The following FHIP2A variants were observed in gnomAD, a reference collection of about 807,000 sequenced individuals.
The protein encoded by FHIP2A is FHF complex subunit HOOK interacting protein 2A, also known as family with sequence similarity 160 member B1.
A neutral mutation model predicts 93.5 loss-of-function variants in FHIP2A; 46 were observed. That is an observed-to-expected ratio of 0.49 (90% confidence interval 0.39 to 0.63). The LOEUF is 0.63. Among genes scored for constraint, FHIP2A ranks in the 20% least tolerant of loss-of-function variants. The pLI is 0.00. For missense variants in FHIP2A, 769 were observed against 909.7 expected (o/e 0.85, Z 1.99); for synonymous variants, 332 against 326.5 (o/e 1.02, Z -0.18).
At chr10:114,834,317 C>T (rs1283077801) in intron 3 of FHIP2A, among the ~76,000 whole-genome samples, 3 of 152,136 alleles carry the variant, frequency 2.0e-5, no homozygotes, top group East Asian at 3.8e-4. Context: ...TTCTCCTCCT[C>T]CTTTTTCCTG....
Position 114,864,579 on chromosome 10 carries a change from G to A in FHIP2A, c.*3039G>A, listed in dbSNP as rs754735755. On this transcript the variant is annotated 3_prime_UTR_variant, in exon 17 of 17. Coordinates refer to ENST00000369248, the MANE Select transcript of FHIP2A (RefSeq NM_020940.4). Reference sequence around the variant, plus strand: ...CGTCTGGAATTCTTGGTCCCTCCGTGGAGAAACTCTTCAGATGGTCATTGT... The same window carrying A: ...CGTCTGGAATTCTTGGTCCCTCCGTAGAGAAACTCTTCAGATGGTCATTGT... 175 of 985,634 alleles carry A rather than the reference G, an allele frequency of 1.8e-4. No individual in the cohort carries two copies. The highest frequency in any genetic ancestry group is 2.5e-4 in the Admixed American group (4 of 16,248). 61.1% of individuals were successfully genotyped at this position (985,634 alleles called of 1,614,324 possible).
intron 5 of FHIP2A, among the ~76,000 whole-genome samples, chr10:114,838,529 T>G (rs17092480): frequency 0.09 from 13,748 of 152,218 alleles, 825 homozygotes; most frequent in East Asian, 0.21. Flanking sequence ...TGTGTACTTA[T>G]GAGAAATATC....
Position 114,821,848 on chromosome 10 carries a change from G to A in FHIP2A, c.-231G>A, listed in dbSNP as rs879554241. 2.8e-5 allele frequency: 7 copies of A among 253,804 alleles called. No individual in the cohort carries two copies. The highest frequency in any genetic ancestry group is 3.0e-5 in the Non-Finnish European group (4 of 133,866). The allele number at this position is 253,804 out of a possible 1,614,324, so 15.7% of individuals were successfully genotyped here. ...CTTCTCCGGGCCCCGAGTCCTCGCC[G>A]AACGCCCTCCTCGCCGCCCGCCGCG... On this transcript the variant is annotated 5_prime_UTR_variant, in exon 1 of 17. Coordinates refer to ENST00000369248, the MANE Select transcript of FHIP2A (RefSeq NM_020940.4).
At chr10:114,847,744 C>A (rs923290225) in intron 12 of FHIP2A, among the ~76,000 whole-genome samples, 2 of 144,350 alleles carry the variant, frequency 1.4e-5, no homozygotes, top group African/African-American at 2.5e-5. Flanking sequence ...AAGTTCCCTC[C>A]CCCACCTTTT....
intron 14 of FHIP2A, among the ~76,000 whole-genome samples, chr10:114,859,644 A>G (rs2083786251): frequency 6.6e-6 from 1 of 152,196 alleles, no homozygotes; most frequent in Non-Finnish European, 1.5e-5. Context: ...AGTTCTGAGC[A>G]AGTAGTAGCA....
intron 16 of FHIP2A, among the ~76,000 whole-genome samples, chr10:114,875,640 A>G (rs955645628): frequency 2.0e-5 from 3 of 152,086 alleles, no homozygotes; most frequent in Admixed American, 6.5e-5. Context: ...GGTTTCAGTG[A>G]GCCAAGATTG....
intron 5 of FHIP2A, among the ~76,000 whole-genome samples, chr10:114,839,605 G>T (rs138531830): frequency 6.6e-6 from 1 of 152,038 alleles, no homozygotes; most frequent in African/African-American, 2.4e-5. Flanking sequence ...CCGGCCGGGC[G>T]CGGTGGCTCA....
chr10:114,835,087 G>A (rs988687921), intron 3 of FHIP2A, among the ~76,000 whole-genome samples: 3 of 151,240 alleles, frequency 2.0e-5, no homozygotes, highest in African/African-American at 7.3e-5. Flanking sequence ...TGTGTGTTAG[G>A]AGGCTTTATT....
At chr10:114,898,247 A>G (rs1037169066) in intron 16 of FHIP2A, among the ~76,000 whole-genome samples, 1 of 152,176 alleles carries the variant, frequency 6.6e-6, no homozygotes, top group African/African-American at 2.4e-5. Context: ...CTTTGTCAAT[A>G]GAGAGTGCCA....
chr10:114,860,664 C>T (rs988095073), intron 14 of FHIP2A, 85 bp from the exon 15 acceptor site: 17 of 1,190,182 alleles, frequency 1.4e-5, no homozygotes, highest in African/African-American at 4.5e-5. Context: ...ATTCTCCTTT[C>T]TTAAAAGAAC....
intron 1 of FHIP2A, among the ~76,000 whole-genome samples, chr10:114,828,050 A>G (rs2083587449): frequency 6.6e-6 from 1 of 152,164 alleles, no homozygotes; most frequent in African/African-American, 2.4e-5. Flanking sequence ...ATGCAGTGAT[A>G]AAACAGGTAA....
At chr10:114,865,967 G>T (rs1008176012), downstream of FHIP2A, among the ~76,000 whole-genome samples, 19 of 151,892 alleles carry the variant, frequency 1.3e-4, no homozygotes, top group African/African-American at 3.9e-4. Context: ...CTGTTTGTTT[G>T]TTTTTTTTAA....
rs926511216 is a variant in FHIP2A, at chr10:114,845,392, G to A, written c.1039G>A (p.Asp347Asn). The part of the protein sequence containing the change: ...WGLDSYSHKE[D>N]ASAFPGKRAL... ...CTTGGACTCATATAGTCATAAAGAAGATGCTTCAGCATTTCCAGGAAAACG... is the reference window on the plus strand; with the variant it reads ...CTTGGACTCATATAGTCATAAAGAAAATGCTTCAGCATTTCCAGGAAAACG... The change falls in exon 8 of 17, where the codon GAT becomes AAT. Residue 347 changes from aspartate (D) to asparagine (N), a missense_variant. Physicochemically the swap from Asp to Asn is conservative, Grantham distance 23. Coordinates refer to ENST00000369248, the MANE Select transcript of FHIP2A (RefSeq NM_020940.4). 3 of 1,612,158 alleles carry A rather than the reference G, an allele frequency of 1.9e-6. No individual in the cohort carries two copies. In the Admixed American group the frequency reaches 5.0e-5, roughly 27 times the overall value.
intron 13 of FHIP2A, among the ~76,000 whole-genome samples, chr10:114,854,407 G>T (rs909025657): frequency 6.6e-6 from 1 of 151,970 alleles, no homozygotes; most frequent in Non-Finnish European, 1.5e-5. Flanking sequence ...CAGGAGAATC[G>T]CTTGAACCTG....
At chr10:114,847,347 G>GA in intron 12 of FHIP2A, 114 bp downstream of exon 12, 1 of 913,418 alleles carries the variant, frequency 1.1e-6, no homozygotes, top group Non-Finnish European at 1.6e-6. Context: ...GGAGTGCAGT[G>GA]GCACGATCTC....
chr10:114,850,307 G>A (rs114095900), intron 13 of FHIP2A, among the ~76,000 whole-genome samples: 299 of 152,312 alleles, frequency 2.0e-3, no homozygotes, highest in African/African-American at 6.6e-3. Flanking sequence ...CCCAGGAGGT[G>A]TGAAGTGGTG....
intron 14 of FHIP2A, among the ~76,000 whole-genome samples, chr10:114,858,877 A>G (rs1185346749): frequency 1.3e-5 from 2 of 152,218 alleles, no homozygotes; most frequent in African/African-American, 4.8e-5. Context: ...TGATGTTCCC[A>G]ACACGAAGAA....
intron 16 of FHIP2A, chr10:114,899,342 G>T: frequency 1.8e-6 from 1 of 552,640 alleles, no homozygotes; most frequent in Non-Finnish European, 3.3e-6. Context: ...ACTTAAGCTA[G>T]TGTAAGCACA....
At chr10:114,825,735 C>G (rs778814474) in intron 1 of FHIP2A, among the ~76,000 whole-genome samples, 36 of 152,212 alleles carry the variant, frequency 2.4e-4, no homozygotes, top group Non-Finnish European at 3.8e-4. Context: ...TGTTTTAACA[C>G]AACTTCTTCA....
Sources: allele counts gnomAD v4.1 joint callset (sites outside exome capture counted in the v4.1 genomes callset), GRCh38; gene constraint gnomAD v4.1.1; transcripts MANE v1.5; gene names NCBI Gene and HGNC (gene_info 2026-07-23, HGNC 2026-07-21).